The following GGCX variants were observed in gnomAD, a reference collection of about 807,000 sequenced individuals.
GGCX encodes gamma-glutamyl carboxylase.
GGCX carries 63 observed loss-of-function variants against 88.5 expected under a neutral mutation model. The ratio of observed to expected loss-of-function variants is 0.71; its 90% CI spans 0.58 to 0.88. The LOEUF is 0.88. GGCX is among the 40% of genes least tolerant of loss of function. The pLI, the probability that GGCX is intolerant of heterozygous loss-of-function variation, is 0.00. For synonymous variants in GGCX, 368 were observed against 365.8 expected (o/e 1.01, Z -0.07); for missense variants, 805 against 932.9 (o/e 0.86, Z 1.79).
chr2:85,547,930 G>A lies in GGCX; in HGVS notation c.*2004C>T, dbSNP rs1038618982. 6.6e-6 allele frequency: 1 copy of A among 152,312 alleles called. No individual in the cohort carries two copies. Among genetic ancestry groups the A allele is most frequent in the Non-Finnish European group, 1.5e-5 (1 of 68,126 alleles). 9.4% of individuals were successfully genotyped at this position (152,312 alleles called of 1,614,324 possible). A position where few individuals can be genotyped will look rare whatever the true frequency, so the allele number is the denominator to read the frequency against. ...GAAAACAGATTTGGCTGGGCACGGT[G>A]GCTCACACCTGTAATCCCAGCCCTT... On this transcript the variant is annotated 3_prime_UTR_variant, in exon 15 of 15. Coordinates refer to ENST00000233838, the MANE Select transcript of GGCX (RefSeq NM_000821.7).
intron 10 of GGCX, 134 bp from the exon 11 acceptor site, chr2:85,552,115 C>T: frequency 1.3e-6 from 1 of 759,172 alleles, no homozygotes; most frequent in Non-Finnish European, 2.3e-6. Context: ...ATGTTATTGC[C>T]AGTCCAGGGC....
Position 85,551,012 on chromosome 2 carries a change from A to C in GGCX, c.1801T>G (p.Tyr601Asp). The change falls in exon 13 of 15, where the codon TAC (tyrosine) becomes GAC (aspartate). Residue 601 changes from tyrosine to aspartate, a missense_variant. Coordinates refer to ENST00000233838, the MANE Select transcript of GGCX (RefSeq NM_000821.7). ...TTSPSPSCYM[Y>D]VYVNTTELAL... ...AGCTCTGTAGTGTTGACATAGACGT[A>C]CATGTAGCAAGAAGGGCTAGGTGAT... 1 of 1,613,476 alleles carries C rather than the reference A, an allele frequency of 6.2e-7. No individual in the cohort carries two copies. The highest frequency in any genetic ancestry group is 2.2e-5 in the East Asian group (1 of 44,884).
intron 4 of GGCX, among the ~76,000 whole-genome samples, chr2:85,557,001 CATACCTATA>C (rs1692228535): frequency 2.0e-5 from 3 of 152,258 alleles, no homozygotes; most frequent in African/African-American, 7.2e-5. Context: ...CTCAGTAGTT[CATACCTATA>C]ATACCAACAT....
intron 12 of GGCX, 78 bp downstream of exon 12, chr2:85,551,402 G>A: frequency 6.9e-7 from 1 of 1,440,656 alleles, no homozygotes; most frequent in Non-Finnish European, 9.8e-7. Context: ...TCCCACCTCA[G>A]CCTCCTAAGA....
intron 3 of GGCX, 98 bp from the exon 4 acceptor site, chr2:85,558,703 T>C (rs1692309193): frequency 1.0e-5 from 10 of 1,004,616 alleles, no homozygotes; most frequent in Non-Finnish European, 1.6e-5. Context: ...AATCAAGCAT[T>C]GTATAATCAC....
rs1301563537 is a variant in GGCX, at chr2:85,558,530, AAC to A, written c.447_448del (p.Phe150SerfsTer40). The stretch of plus-strand genomic sequence containing the variant: ...GTTCCATGATGTCTTGTCCAGGAGA[AAC>A]ACATACCAGTATGGCAGCAGGAATA... On this transcript the variant is annotated frameshift_variant, in exon 4 of 15. Transcript: ENST00000233838. LOFTEE classifies it high-confidence loss of function. 6.2e-7 allele frequency: 1 copy of A among 1,613,362 alleles called. No homozygotes were observed.
At chr2:85,554,412 C>T (rs1692114291) in intron 6 of GGCX, 106 bp from the exon 7 acceptor site, 3 of 940,502 alleles carry the variant, frequency 3.2e-6, no homozygotes, top group Non-Finnish European at 3.5e-6. Context: ...GGGTAGATGC[C>T]TAAGGTACAT....
At position 85,558,986 on chromosome 2, in the gene GGCX, G is replaced by C; in HGVS notation, c.304C>G (p.Pro102Ala). ...AGTGGGCGTAGGGCATCCAGCAAGG[G>C]GAAGCGGCACACATCCAGCCCATCA... ...YLDGLDVCRF[P>A]LLDALRPLPL... Residue 102 changes from proline (P) to alanine (A), a missense_variant, in exon 3 of 15, where the codon CCC becomes GCC. Physicochemically the swap from Pro to Ala is conservative, Grantham distance 27 (BLOSUM62 -1). This residue lies in a region of GGCX where 61 missense variants were observed against 111.9 expected (regional missense o/e 0.54). Coordinates refer to ENST00000233838, the MANE Select transcript of GGCX (RefSeq NM_000821.7). 6.2e-7 allele frequency: 1 copy of C among 1,613,840 alleles called. No individual in the cohort carries two copies. Among genetic ancestry groups the C allele is most frequent in the Non-Finnish European group, 8.5e-7 (1 of 1,179,738 alleles).
intron 14 of GGCX, 86 bp downstream of exon 14, chr2:85,550,469 A>T: frequency 1.1e-6 from 1 of 951,128 alleles, no homozygotes; most frequent in Non-Finnish European, 1.7e-6. Flanking sequence ...TTCCTGTATG[A>T]CAGTCTCTAG....
chr2:85,554,454 TTTGTTGTTG>T lies in GGCX; in HGVS notation c.726-157_726-149del, dbSNP rs60769490. The stretch of plus-strand genomic sequence containing the variant: ...CCCATGAAGACACTCCTCTAGGTTG[TTTGTTGTTG>T]TTGTTGTTGTTGTTGTTGTTGAAAC... On this transcript the variant is annotated intron_variant, in intron 6 of 14. Coordinates refer to ENST00000233838, the MANE Select transcript of GGCX (RefSeq NM_000821.7). The T allele has an allele frequency of 1.6e-4, 102 of 645,710 alleles. 1 individual carries two copies. The highest frequency in any genetic ancestry group is 5.2e-4 in the Admixed American group (22 of 42,050). 40.0% of individuals were successfully genotyped at this position (645,710 alleles called of 1,614,324 possible). A position where few individuals can be genotyped will look rare whatever the true frequency, so the allele number is the denominator to read the frequency against.
At chr2:85,554,327 T>G in intron 6 of GGCX, 21 bp from the exon 7 acceptor site, 1 of 1,612,268 alleles carries the variant, frequency 6.2e-7, no homozygotes, top group Non-Finnish European at 8.5e-7. Flanking sequence ...ATGGAGAAAG[T>G]TCAAGCACCA....
In GGCX at chr2:85,556,220, G is replaced by A; in HGVS notation, c.580C>T (p.His194Tyr). The stretch of plus-strand genomic sequence containing the variant: ...ACTGCATAGTTCCAAAGGGGCACGT[G>A]GGCATTCCTCCTATGGGCATTCAGC... Reference protein sequence around the residue: ...GLLNAHRRNAHVPLWNYAVLR... With the variant: ...GLLNAHRRNAYVPLWNYAVLR... The change falls in exon 5 of 15, where the codon CAC becomes TAC. Residue 194 changes from histidine (H) to tyrosine (Y), a missense_variant. Around this residue, in one of 3 missense-constraint regions of GGCX, gnomAD observed 680 missense variants for 763.7 expected, o/e 0.89. Transcript: ENST00000233838. The A allele has an allele frequency of 6.2e-7, 1 of 1,613,072 alleles. No individual in the cohort carries two copies. Among genetic ancestry groups the A allele is most frequent in the Non-Finnish European group, 8.5e-7 (1 of 1,179,056 alleles).
rs1321372471 is a variant in GGCX, at chr2:85,547,026, G to A, written c.*2908C>T. Reference sequence around the variant, plus strand: ...TTCCCCAACCTTGAGGGAGCTTGTGGACCAAGGGGATAGTGTTGTCCTGCC... The same window carrying A: ...TTCCCCAACCTTGAGGGAGCTTGTGAACCAAGGGGATAGTGTTGTCCTGCC... On this transcript the variant is annotated 3_prime_UTR_variant, in exon 15 of 15. Transcript: ENST00000233838. 2 of 152,232 alleles carry A rather than the reference G, an allele frequency of 1.3e-5. No homozygotes were observed. The highest frequency in any genetic ancestry group is 2.9e-5 in the Non-Finnish European group (2 of 68,058). 9.4% of individuals were successfully genotyped at this position (152,232 alleles called of 1,614,324 possible).
chr2:85,561,356 C>T, intron 1 of GGCX, 30 bp downstream of exon 1: 1 of 1,456,442 alleles, frequency 6.9e-7, no homozygotes, highest in Non-Finnish European at 9.3e-7. Context: ...CCTAGGAACT[C>T]TCCGCCGGAG....
In GGCX at chr2:85,556,172, A is replaced by T; in HGVS notation, c.618+10T>A. On this transcript the variant is annotated intron_variant, in intron 5 of 14. Transcript: ENST00000233838. Reference sequence around the variant, plus strand: ...CAAGGAGCTCCTCCCTCTGTCCTAAAATGCTGTACCTGGCCACGGAGCACT... The same window carrying T: ...CAAGGAGCTCCTCCCTCTGTCCTAATATGCTGTACCTGGCCACGGAGCACT... 6.3e-7 allele frequency: 1 copy of T among 1,580,972 alleles called. No individual in the cohort carries two copies. The highest frequency in any genetic ancestry group is 2.2e-5 in the East Asian group (1 of 44,728).
chr2:85,547,412 A>G lies in GGCX; in HGVS notation c.*2522T>C, dbSNP rs1224886487. ...AGCTTTTATTACCAGTATTTACATGACCACTTTTTCTTTACACCTCACCCT... is the reference window on the plus strand; with the variant it reads ...AGCTTTTATTACCAGTATTTACATGGCCACTTTTTCTTTACACCTCACCCT... On this transcript the variant is annotated 3_prime_UTR_variant, in exon 15 of 15. Transcript: ENST00000233838. 6.6e-6 allele frequency: 1 copy of G among 152,130 alleles called. No individual in the cohort carries two copies. The highest frequency in any genetic ancestry group is 1.5e-5 in the Non-Finnish European group (1 of 68,018). The allele number at this position is 152,130 out of a possible 1,614,324, so 9.4% of individuals were successfully genotyped here. A position where few individuals can be genotyped will look rare whatever the true frequency, so the allele number is the denominator to read the frequency against.
At position 85,553,258 on chromosome 2, in the gene GGCX, G is replaced by A. The variant is rs1345988487; in HGVS notation, c.1129C>T (p.Leu377=). 6.2e-7 allele frequency: 1 copy of A among 1,614,246 alleles called. No homozygotes were observed. The highest frequency in any genetic ancestry group is 1.1e-5 in the South Asian group (1 of 91,088). ...TGGGTGAGAAAATGAGAATAGGGCA[G>A]GAATAGCTGCTCCAGGAGGTAGAGC... is the stretch of plus-strand genomic sequence containing the variant. The part of the protein sequence containing the change: ...TLLYLLEQLF[L]PYSHFLTQGY... Residue 377 remains leucine (L), a synonymous_variant, in exon 8 of 15, where the codon CTG becomes TTG. Transcript: ENST00000233838.
Position 85,558,922 on chromosome 2 carries a change from A to C in GGCX, c.368T>G (p.Phe123Cys). ...TTTCCCACAGTTCCCCTCACCCAGA[A>C]ACATGATGGTGTAGACAAGATACAT... ...DWMYLVYTIMFLGALGMMLGL... is the reference protein window; with the variant it reads ...DWMYLVYTIMCLGALGMMLGL... The change falls in exon 3 of 15, where the codon TTT becomes TGT. Residue 123 changes from phenylalanine (F) to cysteine (C), a missense_variant. This residue lies in a region of GGCX where 61 missense variants were observed against 111.9 expected (regional missense o/e 0.54). Coordinates refer to ENST00000233838, the MANE Select transcript of GGCX (RefSeq NM_000821.7). 1 of 1,613,860 alleles carries C rather than the reference A, an allele frequency of 6.2e-7. No individual in the cohort carries two copies. Among genetic ancestry groups the C allele is most frequent in the East Asian group, 2.2e-5 (1 of 44,870 alleles).
chr2:85,554,948 A>G (rs1692142634), intron 6 of GGCX: 1 of 167,084 alleles, frequency 6.0e-6, no homozygotes, highest in African/African-American at 2.4e-5. Context: ...GGCTAACATC[A>G]TAATGAAGTC....
Sources: gnomAD v4.1 joint callset for allele counts (sites outside exome capture counted in the v4.1 genomes callset) on GRCh38, gnomAD v4.1.1 for gene constraint, gnomAD v4.1.1 regional missense constraint, MANE v1.5 for transcripts, NCBI Gene and HGNC (gene_info 2026-07-23, HGNC 2026-07-21) for gene names.